The following HMGCLL1 variants were observed in gnomAD, a reference collection of about 807,000 sequenced individuals.
HMGCLL1 encodes the protein 3-hydroxymethyl-3-methylglutaryl-CoA lyase, cytoplasmic.
A neutral mutation model predicts 39.1 loss-of-function variants in HMGCLL1; 36 were observed. That is an observed-to-expected ratio of 0.92 (90% CI 0.71 to 1.22). HMGCLL1 has a LOEUF of 1.22. Ranked by LOEUF, HMGCLL1 falls within the 50% of genes most tolerant of loss-of-function variation. HMGCLL1 has a pLI of 0.00. For synonymous variants in HMGCLL1, 149 were observed against 144.0 expected, an observed-to-expected ratio of 1.03 and a Z score of -0.25; for missense variants, 451 against 416.5, an observed-to-expected ratio of 1.08 and a Z score of -0.72.
chr6:55,508,546 G>T (rs1767280687), intron 5 of HMGCLL1, among the ~76,000 whole-genome samples: 1 of 151,688 alleles, frequency 6.6e-6, no homozygotes, highest in Non-Finnish European at 1.5e-5. Flanking sequence ...AAGTAAATTT[G>T]TAAACACTTT....
chr6:55,633,586 C>G, the HMGCLL1 span, among the ~76,000 whole-genome samples: 11 of 151,794 alleles, frequency 7.2e-5, no homozygotes, highest in Admixed American at 2.6e-4. Context: ...AACAAATAAA[C>G]GTTAATGTTA....
chr6:55,496,108 A>G (rs1766562044), intron 6 of HMGCLL1, among the ~76,000 whole-genome samples: 1 of 152,098 alleles, frequency 6.6e-6, no homozygotes, highest in African/African-American at 2.4e-5. Flanking sequence ...TTTGAACTCT[A>G]TGGATCCACT....
the HMGCLL1 span, among the ~76,000 whole-genome samples, chr6:55,629,553 T>C: frequency 2.0e-5 from 3 of 152,148 alleles, no homozygotes; most frequent in South Asian, 2.1e-4. Flanking sequence ...AAGAGCCGAA[T>C]GTTAATCTCC....
At chr6:55,647,812 A>G in the HMGCLL1 span, among the ~76,000 whole-genome samples, 12 of 113,180 alleles carry the variant, frequency 1.1e-4, no homozygotes, top group African/African-American at 1.5e-4. Context: ...GTACATGTGC[A>G]CATTGTGCAG....
chr6:55,476,478 G>A (rs2127407283), intron 7 of HMGCLL1, among the ~76,000 whole-genome samples: 1 of 151,654 alleles, frequency 6.6e-6, no homozygotes, highest in East Asian at 1.9e-4. Context: ...TATGTTGGAA[G>A]TTTGAATACA....
chr6:55,673,514 T>C, the HMGCLL1 span, among the ~76,000 whole-genome samples: 5 of 151,976 alleles, frequency 3.3e-5, no homozygotes, highest in African/African-American at 1.2e-4. Context: ...GTTTTAAACC[T>C]ACACAAGGGC....
chr6:55,489,315 T>C (rs962753981), intron 7 of HMGCLL1, among the ~76,000 whole-genome samples: 2 of 151,888 alleles, frequency 1.3e-5, no homozygotes, highest in African/African-American at 4.8e-5. Context: ...AAACAAGATA[T>C]TGAAAACAAG....
intron 7 of HMGCLL1, among the ~76,000 whole-genome samples, chr6:55,494,009 A>G (rs1276446027): frequency 6.6e-6 from 1 of 152,114 alleles, no homozygotes; most frequent in Non-Finnish European, 1.5e-5. Flanking sequence ...AAGTGCTGGG[A>G]TTACAGGCGT....
At chr6:55,463,287 C>A (rs1764663699) in intron 7 of HMGCLL1, among the ~76,000 whole-genome samples, 1 of 152,060 alleles carries the variant, frequency 6.6e-6, no homozygotes, top group Admixed American at 6.6e-5. Context: ...CTACCTCGGC[C>A]TCCCAAAGTC....
the HMGCLL1 span, among the ~76,000 whole-genome samples, chr6:55,616,140 G>A: frequency 2.6e-5 from 4 of 152,042 alleles, no homozygotes; most frequent in Non-Finnish European, 5.9e-5. Flanking sequence ...GTGTAACATT[G>A]AAGATCTTCC....
chr6:55,574,144 T>C (rs1017457883), intron 1 of HMGCLL1, among the ~76,000 whole-genome samples: 5 of 151,978 alleles, frequency 3.3e-5, no homozygotes, highest in African/African-American at 1.2e-4. Flanking sequence ...CATTAGTGTA[T>C]ATGTGTGTAT....
intron 7 of HMGCLL1, among the ~76,000 whole-genome samples, chr6:55,440,574 G>A (rs541751715): frequency 1.3e-5 from 2 of 152,180 alleles, no homozygotes; most frequent in East Asian, 3.9e-4. Flanking sequence ...ATTCCTCTGT[G>A]AAAGGTAACA....
chr6:55,627,913 A>ATATAG, the HMGCLL1 span, among the ~76,000 whole-genome samples: 2 of 1,176 alleles, frequency 1.7e-3, 1 homozygote, highest in African/African-American at 5.6e-3. Context: ...TATATACTAT[A>ATATAG]TATATATAAT....
chr6:55,486,112 T>C (rs1397985933), intron 7 of HMGCLL1, among the ~76,000 whole-genome samples: 1 of 149,676 alleles, frequency 6.7e-6, no homozygotes, highest in African/African-American at 2.4e-5. Context: ...TGTGTGTGTG[T>C]GTATATATAT....
rs866078817 is a variant in HMGCLL1 at position 55,579,102 on chromosome 6, G to C, written c.-47C>G. 2 of 1,428,310 alleles carry C rather than the reference G, an allele frequency of 1.4e-6. No homozygotes were observed. The highest frequency in any genetic ancestry group is 3.6e-5 in the Admixed American group (2 of 55,408). The allele number at this position is 1,428,310 out of a possible 1,614,324, so 88.5% of individuals were successfully genotyped here. ...CGGCGAGGGGAGGGAGACTGGAGGA[G>C]GATGAGGGGCGGGCACCGCGCTGGG... On this transcript the variant is annotated 5_prime_UTR_variant, in exon 1 of 9. Transcript: ENST00000274901.
At chr6:55,483,595 T>C (rs1765852161) in intron 7 of HMGCLL1, among the ~76,000 whole-genome samples, 1 of 152,122 alleles carries the variant, frequency 6.6e-6, no homozygotes, top group Non-Finnish European at 1.5e-5. Flanking sequence ...TAAGGCGTGG[T>C]GTTATGTCAG....
intron 5 of HMGCLL1, among the ~76,000 whole-genome samples, chr6:55,511,437 T>C (rs1767451864): frequency 6.6e-6 from 1 of 152,052 alleles, no homozygotes; most frequent in Non-Finnish European, 1.5e-5. Context: ...AATTTAACAA[T>C]AGCCTTCATA....
At chr6:55,594,447 C>T in the HMGCLL1 span, among the ~76,000 whole-genome samples, 1 of 152,106 alleles carries the variant, frequency 6.6e-6, no homozygotes, top group Admixed American at 6.5e-5. Context: ...TTAAGTCAAC[C>T]TTCACATTGT....
At chr6:55,596,379 T>C in the HMGCLL1 span, among the ~76,000 whole-genome samples, 2 of 152,132 alleles carry the variant, frequency 1.3e-5, no homozygotes, top group African/African-American at 2.4e-5. Context: ...TTAGTACATA[T>C]ATACAATTAG....
Sources: gnomAD v4.1 joint callset for allele counts (sites outside exome capture counted in the v4.1 genomes callset) on GRCh38, gnomAD v4.1.1 for gene constraint, MANE v1.5 for transcripts, NCBI Gene and HGNC (gene_info 2026-07-23, HGNC 2026-07-21) for gene names.